KDM4C: variants seen among roughly 807,000 people sequenced by gnomAD.
KDM4C encodes the protein lysine-specific demethylase 4C.
In KDM4C, 81 loss-of-function variants were observed where a neutral mutation model predicts 129.3. The observed-to-expected ratio is 0.63, with a 90% CI of 0.52 to 0.75. The LOEUF is 0.75. Among genes scored for constraint, KDM4C ranks in the 30% least tolerant of loss-of-function variants. KDM4C has a pLI of 0.00. For synonymous variants in KDM4C, 573 were observed against 456.1 expected, an observed-to-expected ratio of 1.26 and a Z score of -3.26; for missense variants, 1,457 against 1,304.0, an observed-to-expected ratio of 1.12 and a Z score of -1.81.
At chr9:6,982,287 G>A (rs1816905710) in intron 9 of KDM4C, 1 of 151,822 alleles carries the variant, frequency 6.6e-6, no homozygotes, top group Non-Finnish European at 1.5e-5. Flanking sequence ...TTAGGAACAT[G>A]GAGTCAAACT....
intron 8 of KDM4C, among the ~76,000 whole-genome samples, chr9:6,932,188 A>C (rs1020121453): frequency 6.6e-6 from 1 of 152,220 alleles, no homozygotes; most frequent in Non-Finnish European, 1.5e-5. Context: ...GCTGGATTCC[A>C]ACAGGTGTGT....
At chr9:7,127,854 A>C in intron 18 of KDM4C, 1 of 429,062 alleles carries the variant, frequency 2.3e-6, no homozygotes, top group East Asian at 3.9e-5. Context: ...CTGGGTAAAG[A>C]GTGTTAGTAT....
intron 12 of KDM4C, among the ~76,000 whole-genome samples, chr9:6,998,477 C>G (rs959172034): frequency 6.6e-6 from 1 of 152,208 alleles, no homozygotes; most frequent in Non-Finnish European, 1.5e-5. Context: ...ATGGTTTTCT[C>G]TAGTTCACAT....
chr9:6,925,613 G>T (rs1490257745), intron 8 of KDM4C: 7 of 985,266 alleles, frequency 7.1e-6, no homozygotes, highest in South Asian at 4.7e-5. Context: ...TTCTAAAACC[G>T]TCTTGGCTTG....
At chr9:7,002,460 T>A (rs963970947) in intron 12 of KDM4C, among the ~76,000 whole-genome samples, 2 of 152,216 alleles carry the variant, frequency 1.3e-5, no homozygotes, top group African/African-American at 4.8e-5. Context: ...CATGAGACTT[T>A]TACTGTGTTA....
chr9:6,888,106 A>G (rs949861393), intron 7 of KDM4C, 43 bp downstream of exon 7: 13 of 1,078,254 alleles, frequency 1.2e-5, no homozygotes, highest in Non-Finnish European at 1.7e-5. Context: ...TTGTTTGTGT[A>G]GGATTTGTAT....
chr9:7,163,901 A>C (rs1031208476), intron 19 of KDM4C, among the ~76,000 whole-genome samples: 5 of 152,212 alleles, frequency 3.3e-5, no homozygotes, highest in Admixed American at 1.3e-4. Flanking sequence ...CTTTAGCTCC[A>C]ATGGAAGCAT....
intron 5 of KDM4C, among the ~76,000 whole-genome samples, chr9:6,860,766 T>G (rs776317206): frequency 2.6e-5 from 4 of 152,244 alleles, no homozygotes; most frequent in Non-Finnish European, 5.9e-5. Context: ...TTTTTCCATG[T>G]GTTACTTGGA....
chr9:6,952,278 T>C (rs1017504748), intron 8 of KDM4C, among the ~76,000 whole-genome samples: 1 of 152,006 alleles, frequency 6.6e-6, no homozygotes, highest in Admixed American at 6.5e-5. Flanking sequence ...GGTACGCCTA[T>C]GTCCAAGAGT....
At chr9:6,789,189 C>G (rs896313269) in intron 1 of KDM4C, among the ~76,000 whole-genome samples, 1 of 148,970 alleles carries the variant, frequency 6.7e-6, no homozygotes, top group African/African-American at 2.5e-5. Flanking sequence ...GTAGCTGGGA[C>G]TATAGGCGCT....
At chr9:7,172,632 G>C (rs76461643) in intron 21 of KDM4C, among the ~76,000 whole-genome samples, 4,234 of 152,312 alleles carry the variant, frequency 0.028, 120 homozygotes, top group East Asian at 0.15. Context: ...GGTGGTATGT[G>C]GGGGAAGCCG....
chr9:6,861,860 C>T (rs536692619), intron 5 of KDM4C, among the ~76,000 whole-genome samples: 11 of 151,732 alleles, frequency 7.2e-5, no homozygotes, highest in Admixed American at 2.6e-4. Flanking sequence ...TAACTGCTGC[C>T]TCCCAGGTCC....
intron 8 of KDM4C, chr9:6,925,273 T>C: frequency 1.0e-6 from 1 of 985,248 alleles, no homozygotes; most frequent in Non-Finnish European, 1.2e-6. Flanking sequence ...TAGGAGGTAG[T>C]TACTATGGGA....
Position 7,128,203 on chromosome 9 carries a change from C to G in KDM4C, c.2748C>G (p.Ser916=), listed in dbSNP as rs1840228599. 3 of 1,606,306 alleles carry G rather than the reference C, an allele frequency of 1.9e-6. No homozygotes were observed. The highest frequency in any genetic ancestry group is 1.3e-5 in the African/African-American group (1 of 74,416). ...TFYEVMFDDG[S]FSRDTFPEDI... is the part of the protein sequence containing the mutation. ...ATGAGGTCATGTTTGATGATGGCTC[C>G]TTTAGCAGAGACACATTTCCTGAGG... is the stretch of plus-strand genomic sequence containing the variant. Residue 916 remains serine, a synonymous_variant, in exon 19 of 22, where the codon TCC becomes TCG. Coordinates refer to ENST00000381309, the MANE Select transcript of KDM4C (RefSeq NM_015061.6).
intron 19 of KDM4C, among the ~76,000 whole-genome samples, chr9:7,141,569 T>A (rs1338471247): frequency 6.6e-6 from 1 of 152,192 alleles, no homozygotes; most frequent in Admixed American, 6.5e-5. Context: ...GTGTCAAATA[T>A]AACTCCCAGG....
intron 3 of KDM4C, among the ~76,000 whole-genome samples, chr9:6,807,451 A>T (rs780404857): frequency 1.4e-5 from 2 of 140,872 alleles, no homozygotes; most frequent in South Asian, 4.6e-4. Flanking sequence ...GCCTCTTCCC[A>T]GCCGCCATCA....
chr9:7,003,550 T>A (rs1383935656), intron 12 of KDM4C, among the ~76,000 whole-genome samples: 9 of 152,148 alleles, frequency 5.9e-5, no homozygotes, highest in Non-Finnish European at 1.3e-4. Context: ...GTATCAGTGT[T>A]ATTGAGAGGT....
chr9:7,071,487 A>G (rs1291511405), intron 17 of KDM4C, among the ~76,000 whole-genome samples: 1 of 152,154 alleles, frequency 6.6e-6, no homozygotes, highest in Admixed American at 6.6e-5. Context: ...AGACACATAC[A>G]CCTATGGTCA....
Position 6,758,007 on chromosome 9 carries a change from C to G in KDM4C, c.-214C>G, listed in dbSNP as rs1239341859. On this transcript the variant is annotated 5_prime_UTR_variant, in exon 1 of 22. Transcript: ENST00000381309. This position sits in a 1 kb window ranked among gnomAD's most constrained non-coding sequence, Gnocchi z 4.6. ...GGTGCGCGCGCCTTCGCCGCTGCCT[C>G]CCACCCACCCCCTCGACGGGAGGGT... is the stretch of plus-strand genomic sequence containing the variant. 4 of 985,240 alleles carry G rather than the reference C, an allele frequency of 4.1e-6. No homozygotes were observed. Among genetic ancestry groups the G allele is most frequent in the East Asian group, 1.1e-4 (1 of 8,802 alleles). 61.0% of individuals were successfully genotyped at this position (985,240 alleles called of 1,614,324 possible).
Sources: allele counts gnomAD v4.1 joint callset (sites outside exome capture counted in the v4.1 genomes callset), GRCh38; gene constraint gnomAD v4.1.1; non-coding constraint Gnocchi (gnomAD v3.1); transcripts MANE v1.5; gene names NCBI Gene and HGNC (gene_info 2026-07-23, HGNC 2026-07-21).